PDE7B: variants seen among roughly 807,000 people sequenced by gnomAD.
PDE7B encodes phosphodiesterase 7B, also known as 3',5'-cyclic-AMP phosphodiesterase 7B.
Under a neutral mutation model 56.2 loss-of-function variants are expected in PDE7B, and 29 were observed. That is an observed-to-expected ratio of 0.52 (90% CI 0.38 to 0.70). The LOEUF (loss-of-function observed/expected upper bound fraction) is 0.70, where lower values mean the gene tolerates loss of function less well. PDE7B is among the 30% of genes least tolerant of loss of function. The probability of loss-of-function intolerance (pLI) is 0.00; values close to 1 mark genes in which losing one functional copy is unlikely to be tolerated. For missense variants in PDE7B, 490 were observed against 565.0 expected (o/e 0.87, Z 1.35); for synonymous variants, 197 against 196.9 (o/e 1.00, Z 0.00).
chr6:136,037,178 A>G (rs1337598138), intron 2 of PDE7B, among the ~76,000 whole-genome samples: 1 of 152,150 alleles, frequency 6.6e-6, no homozygotes, highest in Non-Finnish European at 1.5e-5. Flanking sequence ...TTTCATTGCC[A>G]TTTATGTCCC....
intron 1 of PDE7B, among the ~76,000 whole-genome samples, chr6:135,916,292 G>A (rs1773935816): frequency 6.6e-6 from 1 of 151,474 alleles, no homozygotes; most frequent in Non-Finnish European, 1.5e-5. Context: ...ATATTTTTCT[G>A]ATGAGTAATC....
chr6:135,901,731 G>T (rs1776004165), intron 1 of PDE7B, among the ~76,000 whole-genome samples: 1 of 152,112 alleles, frequency 6.6e-6, no homozygotes, highest in African/African-American at 2.4e-5. Context: ...AGCGCACTAT[G>T]CTTATTTACT....
chr6:136,163,879 T>G (rs1483674500), intron 8 of PDE7B, among the ~76,000 whole-genome samples: 1 of 152,178 alleles, frequency 6.6e-6, no homozygotes, highest in Non-Finnish European at 1.5e-5. Context: ...AGCCTAGACT[T>G]TATTGTCCAT....
intron 2 of PDE7B, among the ~76,000 whole-genome samples, chr6:136,087,685 C>T (rs1399636446): frequency 6.6e-6 from 1 of 152,192 alleles, no homozygotes; most frequent in Non-Finnish European, 1.5e-5. Context: ...TCTAATTAAA[C>T]AGCATCGGCT....
At chr6:136,056,214 C>G (rs1023117308) in intron 2 of PDE7B, among the ~76,000 whole-genome samples, 7 of 152,184 alleles carry the variant, frequency 4.6e-5, no homozygotes, top group Non-Finnish European at 7.3e-5. Flanking sequence ...AGTTGCTATA[C>G]GTCTTCAGTC....
intron 1 of PDE7B, among the ~76,000 whole-genome samples, chr6:135,935,190 T>TTATA (rs60829896): frequency 0.028 from 1,028 of 36,178 alleles, 142 homozygotes; most frequent in Non-Finnish European, 0.037. Flanking sequence ...ATATATTTAT[T>TTATA]TATATATATA....
chr6:135,926,328 C>T (rs1262543546), intron 1 of PDE7B, among the ~76,000 whole-genome samples: 1 of 152,146 alleles, frequency 6.6e-6, no homozygotes, highest in African/African-American at 2.4e-5. Flanking sequence ...ACCTCGTGAT[C>T]TGCCCACCTT....
At chr6:136,061,178 GATC>G (rs1776832426) in intron 2 of PDE7B, among the ~76,000 whole-genome samples, 1 of 152,010 alleles carries the variant, frequency 6.6e-6, no homozygotes, top group Non-Finnish European at 1.5e-5. Context: ...AGGCGTCAGA[GATC>G]ATAAAAAGTT....
intron 2 of PDE7B, among the ~76,000 whole-genome samples, chr6:136,045,446 A>G (rs1048264135): frequency 6.6e-6 from 1 of 152,230 alleles, no homozygotes; most frequent in African/African-American, 2.4e-5. Context: ...TAAAAAATCC[A>G]CAGGACATAT....
intron 2 of PDE7B, among the ~76,000 whole-genome samples, chr6:136,000,716 T>C (rs1300107642): frequency 6.6e-6 from 1 of 152,208 alleles, no homozygotes; most frequent in Non-Finnish European, 1.5e-5. Context: ...TTGCTTAAGA[T>C]TGCCTTGGCT....
At chr6:135,876,566 T>A (rs1247802722) in intron 1 of PDE7B, among the ~76,000 whole-genome samples, 6 of 152,166 alleles carry the variant, frequency 3.9e-5, no homozygotes, top group Admixed American at 1.3e-4. Context: ...ATGTTCAATA[T>A]CCTCATTCCA....
chr6:136,148,212 A>G (rs1241908315), intron 4 of PDE7B, among the ~76,000 whole-genome samples: 2 of 151,946 alleles, frequency 1.3e-5, no homozygotes, highest in Non-Finnish European at 2.9e-5. Context: ...ACCACTGGCA[A>G]AGCACAGTGC....
intron 2 of PDE7B, chr6:135,992,972 A>C (rs1356552220): frequency 6.6e-6 from 1 of 152,174 alleles, no homozygotes; most frequent in Non-Finnish European, 1.5e-5. Context: ...GTTGGAGAAA[A>C]TTCAGTGACT....
chr6:135,991,231 AGAATGCCTAACCTCCTGG>A (rs1775474101), intron 2 of PDE7B, among the ~76,000 whole-genome samples: 1 of 152,110 alleles, frequency 6.6e-6, no homozygotes, highest in African/African-American at 2.4e-5. Flanking sequence ...CCTGTAACTA[AGAATGCCTAACCTCCTGG>A]GAATGCAGTT....
chr6:135,864,925 A>G (rs1053929771), intron 1 of PDE7B, among the ~76,000 whole-genome samples: 4 of 146,250 alleles, frequency 2.7e-5, no homozygotes, highest in African/African-American at 5.0e-5. Context: ...ATATCTCCCA[A>G]TGCTATCCCT....
chr6:136,066,071 T>C (rs1472256217), intron 2 of PDE7B, among the ~76,000 whole-genome samples: 1 of 152,220 alleles, frequency 6.6e-6, no homozygotes, highest in Non-Finnish European at 1.5e-5. Context: ...TATCCAGGCA[T>C]GTCTATATGT....
chr6:136,194,973 A>G lies in PDE7B; in HGVS notation c.*3133A>G, dbSNP rs1268737061. Reference sequence around the variant, plus strand: ...ATCTTGTTCTCCTTGTCCATGGACCATCAATAGTTGACTTGCCAGGTTTAA... The same window carrying G: ...ATCTTGTTCTCCTTGTCCATGGACCGTCAATAGTTGACTTGCCAGGTTTAA... On this transcript the variant is annotated 3_prime_UTR_variant, in exon 13 of 13. Coordinates refer to ENST00000308191, the MANE Select transcript of PDE7B (RefSeq NM_018945.4). 1 of 152,246 alleles carries G rather than the reference A, an allele frequency of 6.6e-6. No individual in the cohort carries two copies. Among genetic ancestry groups the G allele is most frequent in the Non-Finnish European group, 1.5e-5 (1 of 68,046 alleles). 9.4% of individuals were successfully genotyped at this position (152,246 alleles called of 1,614,324 possible).
chr6:136,140,894 A>G, intron 3 of PDE7B, among the ~76,000 whole-genome samples: 1 of 152,116 alleles, frequency 6.6e-6, no homozygotes, highest in Non-Finnish European at 1.5e-5. Flanking sequence ...CTAGATATAC[A>G]ATCATGTCGT....
chr6:136,083,261 T>C (rs1777234745), intron 2 of PDE7B, among the ~76,000 whole-genome samples: 1 of 152,216 alleles, frequency 6.6e-6, no homozygotes, highest in African/African-American at 2.4e-5. Context: ...TAAGTTCTTC[T>C]TGGATTTGAT....
Sources: gnomAD v4.1 joint callset for allele counts (sites outside exome capture counted in the v4.1 genomes callset) on GRCh38, gnomAD v4.1.1 for gene constraint, MANE v1.5 for transcripts, NCBI Gene and HGNC (gene_info 2026-07-23, HGNC 2026-07-21) for gene names.